The following CREB5 variants were observed in gnomAD, a reference collection of about 807,000 sequenced individuals.
CREB5 encodes cyclic AMP-responsive element-binding protein 5.
A neutral mutation model predicts 57.1 loss-of-function variants in CREB5; 19 were observed. The ratio of observed to expected loss-of-function variants is 0.33; its 90% CI spans 0.23 to 0.49. The LOEUF (loss-of-function observed/expected upper bound fraction) is 0.49. CREB5 is among the 20% of genes least tolerant of loss of function. The pLI is 0.99. For missense variants in CREB5, 579 were observed against 671.6 expected (o/e 0.86, Z 1.52); for synonymous variants, 238 against 238.3 (o/e 1.00, Z 0.01).
chr7:28,583,131 A>G (rs1796179926), intron 5 of CREB5, among the ~76,000 whole-genome samples: 1 of 152,226 alleles, frequency 6.6e-6, no homozygotes, highest in Non-Finnish European at 1.5e-5. Flanking sequence ...AGCTTCACAT[A>G]TGTGAACTTA....
In CREB5 at chr7:28,799,820, G is replaced by GC. The variant is rs142762455; in HGVS notation, c.703-4376dup. Among the ~76,000 whole-genome samples the GC allele has an allele frequency of 5.6e-3, 860 of 152,314 alleles. 7 individuals are homozygous for GC. The highest frequency in any genetic ancestry group is 0.02 in the African/African-American group (826 of 41,552). On this transcript the variant is annotated intron_variant, in intron 7 of 10. Transcript: ENST00000357727. The stretch of plus-strand genomic sequence containing the variant: ...AAACTGTTTTGACTGTACTTTTACA[G>GC]CCCATCTGCCTACATGACTTCTGTA...
At chr7:28,497,500 C>A (rs1242711524) in intron 3 of CREB5, among the ~76,000 whole-genome samples, 2 of 152,098 alleles carry the variant, frequency 1.3e-5, no homozygotes, top group Non-Finnish European at 2.9e-5. Flanking sequence ...GACATATTTT[C>A]TTTTGCTTTC....
intron 1 of CREB5, among the ~76,000 whole-genome samples, chr7:28,435,174 G>A (rs1788903073): frequency 6.8e-6 from 1 of 146,952 alleles, no homozygotes; most frequent in Admixed American, 6.9e-5. Context: ...TGCCACCTCA[G>A]TTTCCCAATC....
intron 1 of CREB5, among the ~76,000 whole-genome samples, chr7:28,336,786 T>C (rs1209757370): frequency 6.6e-6 from 1 of 152,002 alleles, no homozygotes; most frequent in Non-Finnish European, 1.5e-5. Flanking sequence ...AATTGTTAGA[T>C]CGTTTCTTAG....
In CREB5 at chr7:28,327,095, G is replaced by A. The variant is rs1025585717; in HGVS notation, c.-25+27654G>A. 3.4e-5 allele frequency among the ~76,000 whole-genome samples: 5 copies of A among 148,298 alleles called. No individual in the cohort carries two copies. The East Asian group carries it at 9.9e-4, about 29-fold the overall frequency. ...ACCTGGGAGGCAGAGGTTACAGTGA[G>A]CTGAGGTCAACCCATTGCACTCCAG... On this transcript the variant is annotated intron_variant, in intron 1 of 9. Transcript: ENST00000396299.
Position 28,708,124 on chromosome 7 carries a change from T to G in CREB5, c.465-10629T>G, listed in dbSNP as rs531579502. Among the ~76,000 whole-genome samples the G allele has an allele frequency of 1.4e-4, 22 of 152,342 alleles. No individual in the cohort carries two copies. The South Asian group carries it at 4.3e-3, about 30-fold the overall frequency. On this transcript the variant is annotated intron_variant, in intron 5 of 10. Transcript: ENST00000357727. ...TGAGATAGAGCCTGAAGCTCTCTGT[T>G]AGGATATAACCCAGTGAAGAGTTTG... is the stretch of plus-strand genomic sequence containing the variant.
At chr7:28,741,051 G>T (rs1804302470) in intron 7 of CREB5, among the ~76,000 whole-genome samples, 1 of 149,256 alleles carries the variant, frequency 6.7e-6, no homozygotes, top group Non-Finnish European at 1.5e-5. Flanking sequence ...CTTGACTAAA[G>T]GTTGTTGAGT....
rs539787622 is a variant in CREB5 at position 28,384,827 on chromosome 7, A to T, written c.-25+85386A>T. Among the ~76,000 whole-genome samples, 8 of 152,256 alleles carry T rather than the reference A, an allele frequency of 5.3e-5. No homozygotes were observed. In the East Asian group the frequency reaches 1.5e-3, roughly 29 times the overall value. ...AGATATTAATCTGAGTTCCTGTGAAACTCTTGCCATAGAATACTATAATCA... is the reference window on the plus strand; with the variant it reads ...AGATATTAATCTGAGTTCCTGTGAATCTCTTGCCATAGAATACTATAATCA... On this transcript the variant is annotated intron_variant, in intron 1 of 9. Coordinates refer to the CREB5 transcript ENST00000396299.
chr7:28,404,200 G>T (rs549805595), intron 1 of CREB5, among the ~76,000 whole-genome samples: 1 of 152,292 alleles, frequency 6.6e-6, no homozygotes, highest in Admixed American at 6.5e-5. Flanking sequence ...ACTATGGGCC[G>T]CCCTATCTTT....
rs1415795361 is a variant in CREB5 at position 28,560,969 on chromosome 7, TGTGCGTGTGTGC to T, written c.292-9384_292-9373del. On this transcript the variant is annotated intron_variant, in intron 4 of 10. Coordinates refer to ENST00000357727, the MANE Select transcript of CREB5 (RefSeq NM_182898.4). ...GTGTGTGCGTGTGTGTGCGTGTGTG[TGTGCGTGTGTGC>T]GTGCGTGTGTGTGCCTGCGTGTGCG... is the stretch of plus-strand genomic sequence containing the variant. Among the ~76,000 whole-genome samples the T allele has an allele frequency of 8.0e-5, 2 of 24,956 alleles. 1 individual carries two copies. Among genetic ancestry groups the T allele is most frequent in the Non-Finnish European group, 1.9e-4 (2 of 10,502 alleles). The allele number at this position is 24,956 out of a possible 152,430, so 16.4% of individuals were successfully genotyped here.
In CREB5 at chr7:28,821,459, A is replaced by C. The variant is rs1472003595; in HGVS notation, c.*2180A>C. On this transcript the variant is annotated 3_prime_UTR_variant, in exon 11 of 11. Coordinates refer to ENST00000357727, the MANE Select transcript of CREB5 (RefSeq NM_182898.4). ...TATATGGTTGAAGAATCAAAACAAA[A>C]GCAAAAAAAAAAAGCAAAAAAAGAA... 6.6e-6 allele frequency: 1 copy of C among 151,338 alleles called. No homozygotes were observed. Among genetic ancestry groups the C allele is most frequent in the African/African-American group, 2.4e-5 (1 of 41,262 alleles). The allele number at this position is 151,338 out of a possible 1,614,324, so 9.4% of individuals were successfully genotyped here.
intron 5 of CREB5, among the ~76,000 whole-genome samples, chr7:28,706,570 A>G (rs1239195399): frequency 6.6e-6 from 1 of 152,202 alleles, no homozygotes; most frequent in Non-Finnish European, 1.5e-5. Flanking sequence ...TAGCAAAGCC[A>G]GGTTGAAAAG....
At chr7:28,634,639 T>C (rs1798339740) in intron 5 of CREB5, among the ~76,000 whole-genome samples, 1 of 152,126 alleles carries the variant, frequency 6.6e-6, no homozygotes, top group Non-Finnish European at 1.5e-5. Flanking sequence ...ATTTAGTCTT[T>C]ACTGAAGCTC....
At position 28,600,969 on chromosome 7, in the gene CREB5, T is replaced by C. The variant is rs367939265; in HGVS notation, c.464+30432T>C. The stretch of plus-strand genomic sequence containing the variant: ...TCGTAAAGGATCATGTCAACCAATA[T>C]GAGTTTCATGTATTTTTCTTTTTTT... On this transcript the variant is annotated intron_variant, in intron 5 of 10. Transcript: ENST00000357727. Among the ~76,000 whole-genome samples the C allele has an allele frequency of 4.9e-4, 74 of 152,270 alleles. No individual in the cohort carries two copies. In the South Asian group the frequency reaches 0.015, roughly 30 times the overall value.
At chr7:28,605,653 G>T (rs1504052) in intron 5 of CREB5, among the ~76,000 whole-genome samples, 9,563 of 152,128 alleles carry the variant, frequency 0.063, 441 homozygotes, top group Non-Finnish European at 0.097. Context: ...AATGGCACTC[G>T]TCCATCTCTG....
intron 5 of CREB5, among the ~76,000 whole-genome samples, chr7:28,686,567 C>T (rs1451766451): frequency 6.6e-6 from 1 of 151,712 alleles, no homozygotes; most frequent in Non-Finnish European, 1.5e-5. Context: ...CAAACTCGGG[C>T]GAAGTTTCTT....
intron 4 of CREB5, among the ~76,000 whole-genome samples, chr7:28,568,331 A>G (rs1218382679): frequency 1.3e-5 from 2 of 152,238 alleles, no homozygotes; most frequent in African/African-American, 4.8e-5. Flanking sequence ...CCTTGGATCT[A>G]TTATTGATAG....
At chr7:28,636,798 G>A (rs1013843761) in intron 5 of CREB5, among the ~76,000 whole-genome samples, 15 of 152,058 alleles carry the variant, frequency 9.9e-5, no homozygotes, top group African/African-American at 3.1e-4. Context: ...CACCCTTTCT[G>A]TGGTTTTCTA....
rs574166128 is a variant in CREB5, at chr7:28,793,896, T to C, written c.703-10303T>C. 1.3e-4 allele frequency among the ~76,000 whole-genome samples: 20 copies of C among 152,344 alleles called. No individual in the cohort carries two copies. In the South Asian group the frequency reaches 1.7e-3, roughly 13 times the overall value. On this transcript the variant is annotated intron_variant, in intron 7 of 10. Coordinates refer to ENST00000357727, the MANE Select transcript of CREB5 (RefSeq NM_182898.4). ...GCTTGGGATTTGGGGATGTGTAGCA[T>C]TGAAGAGAAATCACTATTCATTGCA...
Sources: allele counts gnomAD v4.1 joint callset (sites outside exome capture counted in the v4.1 genomes callset), GRCh38; gene constraint gnomAD v4.1.1; transcripts MANE v1.5; gene names NCBI Gene and HGNC (gene_info 2026-07-23, HGNC 2026-07-21).